The following CDK8 variants were observed in gnomAD, a reference collection of about 807,000 sequenced individuals.
The protein encoded by CDK8 is cyclin-dependent kinase 8.
A neutral mutation model predicts 71.5 loss-of-function variants in CDK8; 29 were observed. The ratio of observed to expected loss-of-function variants is 0.41; its 90% CI spans 0.30 to 0.55. The LOEUF (loss-of-function observed/expected upper bound fraction) is 0.55, where lower values mean the gene tolerates loss of function less well. Among genes scored for constraint, CDK8 ranks in the 20% least tolerant of loss-of-function variants. The pLI is 0.37. For missense variants in CDK8, 288 were observed against 572.6 expected (o/e 0.50, Z 5.07); for synonymous variants, 161 against 192.1 (o/e 0.84, Z 1.34).
At chr13:26,323,302 A>T (rs928898814) in intron 1 of CDK8, among the ~76,000 whole-genome samples, 44 of 115,372 alleles carry the variant, frequency 3.8e-4, no homozygotes, top group Admixed American at 2.2e-3. Context: ...CACATGTGAG[A>T]GAGAGAGAGA....
intron 4 of CDK8, among the ~76,000 whole-genome samples, chr13:26,362,711 G>T (rs142949700): frequency 6.6e-6 from 1 of 152,004 alleles, no homozygotes; most frequent in Admixed American, 6.6e-5. Flanking sequence ...CACCTTCACC[G>T]AAATACCCAG....
At position 26,259,949 on chromosome 13, in the gene CDK8, T is replaced by C. The variant is rs148127662; in HGVS notation, c.128+5180T>C. ...AAGCACTATAATAATTAATGCAAGGTATATGGCAACACAGAGAAGGAAGTC... is the reference window on the plus strand; with the variant it reads ...AAGCACTATAATAATTAATGCAAGGCATATGGCAACACAGAGAAGGAAGTC... On this transcript the variant is annotated intron_variant, in intron 1 of 12. Coordinates refer to ENST00000381527, the MANE Select transcript of CDK8 (RefSeq NM_001260.3). Among the ~76,000 whole-genome samples, 136 of 152,264 alleles carry C rather than the reference T, an allele frequency of 8.9e-4. 1 individual carries two copies. The highest frequency in any genetic ancestry group is 3.2e-3 in the African/African-American group (132 of 41,542).
Position 26,308,055 on chromosome 13 carries a change from A to G in CDK8, c.129-29512A>G, listed in dbSNP as rs115940587. Among the ~76,000 whole-genome samples, 1,118 of 152,336 alleles carry G rather than the reference A, an allele frequency of 7.3e-3. 12 individuals are homozygous for G. The highest frequency in any genetic ancestry group is 0.026 in the African/African-American group (1,072 of 41,578). On this transcript the variant is annotated intron_variant, in intron 1 of 12. Coordinates refer to ENST00000381527, the MANE Select transcript of CDK8 (RefSeq NM_001260.3). ...CCAGTATTTTAAAATTAGATTTCCC[A>G]TTAAAATCTTTATTTCTGACTTATC...
At chr13:26,399,209 CA>C (rs1382332355) in intron 9 of CDK8, among the ~76,000 whole-genome samples, 1 of 151,962 alleles carries the variant, frequency 6.6e-6, no homozygotes, top group East Asian at 1.9e-4. Context: ...GGGGTTTCAC[CA>C]TGTTGACCAG....
At chr13:26,366,184 T>A (rs1228369021) in intron 4 of CDK8, among the ~76,000 whole-genome samples, 1 of 152,122 alleles carries the variant, frequency 6.6e-6, no homozygotes, top group Non-Finnish European at 1.5e-5. Flanking sequence ...AAGCTTTCAT[T>A]AAATCTTTTT....
chr13:26,349,978 ACT>A, intron 3 of CDK8, among the ~76,000 whole-genome samples: 1 of 152,156 alleles, frequency 6.6e-6, no homozygotes, highest in African/African-American at 2.4e-5. Flanking sequence ...TAGATAACAC[ACT>A]TATTTACTAT....
chr13:26,296,284 ACT>A (rs756826275), intron 1 of CDK8, among the ~76,000 whole-genome samples: 6 of 152,060 alleles, frequency 3.9e-5, no homozygotes, highest in Non-Finnish European at 7.4e-5. Context: ...ATTTAAAGTG[ACT>A]CTTCTGAACT....
At chr13:26,293,623 A>T (rs1448108383) in intron 1 of CDK8, among the ~76,000 whole-genome samples, 4 of 130,348 alleles carry the variant, frequency 3.1e-5, no homozygotes, top group African/African-American at 1.2e-4. Flanking sequence ...AAAAAAAAAA[A>T]ATTTGTATAT....
intron 1 of CDK8, among the ~76,000 whole-genome samples, chr13:26,266,491 G>A (rs1199132554): frequency 6.6e-6 from 1 of 152,194 alleles, no homozygotes; most frequent in African/African-American, 2.4e-5. Context: ...GTACAGGGCA[G>A]CTTGGAGAAA....
At chr13:26,364,088 A>G (rs1237488320) in intron 4 of CDK8, among the ~76,000 whole-genome samples, 2 of 152,206 alleles carry the variant, frequency 1.3e-5, no homozygotes, top group Admixed American at 1.3e-4. Flanking sequence ...ATTGAGAAGC[A>G]AAGAGGCTAA....
chr13:26,278,388 A>G (rs1872629225), intron 1 of CDK8, among the ~76,000 whole-genome samples: 1 of 152,218 alleles, frequency 6.6e-6, no homozygotes, highest in Admixed American at 6.5e-5. Flanking sequence ...TAGACAGTGT[A>G]GAAGGGCATG....
At chr13:26,330,768 CCTT>C (rs1230091663) in intron 1 of CDK8, among the ~76,000 whole-genome samples, 1 of 152,122 alleles carries the variant, frequency 6.6e-6, no homozygotes, top group Non-Finnish European at 1.5e-5. Flanking sequence ...GACATGATTT[CCTT>C]CTTTGTGTGT....
chr13:26,344,358 G>T (rs576775552), intron 2 of CDK8, among the ~76,000 whole-genome samples: 3 of 152,126 alleles, frequency 2.0e-5, no homozygotes, highest in Non-Finnish European at 4.4e-5. Flanking sequence ...ACATACAAAT[G>T]CATGTTTCTT....
chr13:26,391,994 T>C (rs1875766321), intron 6 of CDK8, among the ~76,000 whole-genome samples: 1 of 152,244 alleles, frequency 6.6e-6, no homozygotes, highest in Non-Finnish European at 1.5e-5. Flanking sequence ...CAATCAGCTT[T>C]GATAAAATAG....
chr13:26,254,478 C>A lies in CDK8; in HGVS notation c.-164C>A. The stretch of plus-strand genomic sequence containing the variant: ...TCCCCCTGGATGTCCCTGGCGCTTT[C>A]GCGGGGCCTCCTCCTGCTCTTGCCG... On this transcript the variant is annotated 5_prime_UTR_variant, in exon 1 of 13. The change creates a premature stop within an existing upstream ORF in the 5' untranslated region. Transcript: ENST00000381527. This position sits in a 1 kb window ranked among gnomAD's most constrained non-coding sequence, Gnocchi z 6.7. The A allele has an allele frequency of 3.7e-6, 2 of 545,892 alleles. No individual in the cohort carries two copies. Among genetic ancestry groups the A allele is most frequent in the Non-Finnish European group, 6.3e-6 (2 of 317,316 alleles). The allele number at this position is 545,892 out of a possible 1,614,324, so 33.8% of individuals were successfully genotyped here.
chr13:26,368,940 TG>T (rs1874521737), intron 4 of CDK8, among the ~76,000 whole-genome samples: 1 of 152,184 alleles, frequency 6.6e-6, no homozygotes, highest in Non-Finnish European at 1.5e-5. Flanking sequence ...ACTGTCATGA[TG>T]TTTTTTTTTC....
chr13:26,257,484 G>A (rs950042249), intron 1 of CDK8, among the ~76,000 whole-genome samples: 4 of 152,152 alleles, frequency 2.6e-5, no homozygotes, highest in African/African-American at 9.7e-5. Context: ...CATTATAATA[G>A]AGTTTAAAGA....
intron 1 of CDK8, among the ~76,000 whole-genome samples, chr13:26,274,680 C>G (rs1325460465): frequency 6.6e-6 from 1 of 152,146 alleles, no homozygotes; most frequent in East Asian, 1.9e-4. Context: ...ATCCGCCCGG[C>G]TCATCCTCCC....
chr13:26,391,600 T>C (rs1432922845), intron 6 of CDK8, among the ~76,000 whole-genome samples: 1 of 152,240 alleles, frequency 6.6e-6, no homozygotes, highest in Non-Finnish European at 1.5e-5. Context: ...TAGCTGCCTA[T>C]GTGGCCATTG....
Sources: gnomAD v4.1 joint callset for allele counts (sites outside exome capture counted in the v4.1 genomes callset) on GRCh38, gnomAD v4.1.1 for gene constraint, Gnocchi (gnomAD v3.1) non-coding constraint, MANE v1.5 for transcripts, NCBI Gene and HGNC (gene_info 2026-07-23, HGNC 2026-07-21) for gene names.